Variants in TSHZ3 observed in about 807,000 individuals in gnomAD.
TSHZ3 encodes teashirt homolog 3.
TSHZ3 carries 10 observed loss-of-function variants against 64.5 expected under a neutral mutation model. The ratio of observed to expected loss-of-function variants is 0.16; its 90% CI spans 0.10 to 0.26. The LOEUF (loss-of-function observed/expected upper bound fraction) is 0.26, where lower values mean the gene tolerates loss of function less well. TSHZ3 is among the 10% of genes least tolerant of loss of function. TSHZ3 has a pLI of 1.00. For missense variants in TSHZ3, 1,242 were observed against 1,421.7 expected (o/e 0.87, Z 2.03); for synonymous variants, 608 against 593.1 (o/e 1.03, Z -0.36).
intron 1 of TSHZ3, among the ~76,000 whole-genome samples, chr19:31,297,552 C>T (rs769285410): frequency 6.6e-6 from 1 of 152,140 alleles, no homozygotes; most frequent in Non-Finnish European, 1.5e-5. Context: ...TCATGGCTCA[C>T]CTGCAGCCTT....
At chr19:31,337,366 A>T (rs1407077881) in intron 1 of TSHZ3, among the ~76,000 whole-genome samples, 1 of 152,194 alleles carries the variant, frequency 6.6e-6, no homozygotes, top group Non-Finnish European at 1.5e-5. Context: ...TTATACCTGA[A>T]ATGGACTTTG....
Position 31,278,593 on chromosome 19 carries a change from C to G in TSHZ3, c.1200G>C (p.Glu400Asp), listed in dbSNP as rs1314115858. 6.2e-7 allele frequency: 1 copy of G among 1,614,174 alleles called. No homozygotes were observed. The highest frequency in any genetic ancestry group is 1.1e-5 in the South Asian group (1 of 91,080). ...ECGSSHDTLQ[E>D]LTAHMMVTGH... ...CAGTGACCATCATGTGGGCAGTGAGCTCCTGCAGGGTGTCATGCGAGCTCC... is the reference window on the plus strand; with the variant it reads ...CAGTGACCATCATGTGGGCAGTGAGGTCCTGCAGGGTGTCATGCGAGCTCC... The change falls in exon 2 of 2, where the codon GAG becomes GAC. Residue 400 changes from glutamate to aspartate, a missense_variant. Physicochemically the swap from Glu to Asp is conservative, Grantham distance 45. Coordinates refer to ENST00000240587, the MANE Select transcript of TSHZ3 (RefSeq NM_020856.4). This position sits in a 1 kb window ranked among gnomAD's most constrained non-coding sequence, Gnocchi z 4.7.
At chr19:31,160,270 G>A (rs1974358698) in intron 5 of TSHZ3, among the ~76,000 whole-genome samples, 1 of 152,186 alleles carries the variant, frequency 6.6e-6, no homozygotes, top group Admixed American at 6.5e-5. Context: ...TAGGTGGTGT[G>A]CACGTGTTAG....
At chr19:31,185,755 C>G (rs1259744503) in intron 5 of TSHZ3, among the ~76,000 whole-genome samples, 1 of 152,180 alleles carries the variant, frequency 6.6e-6, no homozygotes, top group East Asian at 1.9e-4. Flanking sequence ...ACGTGCAATT[C>G]ACATTCCTAT....
Position 31,290,866 on chromosome 19 carries a change from C to A in TSHZ3, c.41-11114G>T, listed in dbSNP as rs150979837. Among the ~76,000 whole-genome samples the A allele has an allele frequency of 2.1e-3, 319 of 152,314 alleles. 2 individuals are homozygous for A. The highest frequency in any genetic ancestry group is 7.0e-3 in the African/African-American group (290 of 41,582). ...CAGAAGGCTGGCCATGGCGGGATGACAACCTCCCCTAGATTGATTGCTCTT... is the reference window on the plus strand; with the variant it reads ...CAGAAGGCTGGCCATGGCGGGATGAAAACCTCCCCTAGATTGATTGCTCTT... On this transcript the variant is annotated intron_variant, in intron 1 of 1. Coordinates refer to ENST00000240587, the MANE Select transcript of TSHZ3 (RefSeq NM_020856.4).
At position 31,279,073 on chromosome 19, in the gene TSHZ3, G is replaced by A. The variant is rs760381593; in HGVS notation, c.720C>T (p.Arg240=). Reference sequence around the variant, plus strand: ...TGTTATCGGTCTCATGGTTGTCGTCGCGGTAATGCCCCGTCTCGTTCATGT... The same window carrying A: ...TGTTATCGGTCTCATGGTTGTCGTCACGGTAATGCCCCGTCTCGTTCATGT... ...TVHMNETGHY[R]DDNHETDNNN... is the part of the protein sequence containing the mutation. Residue 240 remains arginine (R), a synonymous_variant, in exon 2 of 2, where the codon CGC becomes CGT. Transcript: ENST00000240587. The surrounding 1 kb of genome is among the most constrained non-coding windows in gnomAD (Gnocchi z 6.4). 2.4e-5 allele frequency: 39 copies of A among 1,613,922 alleles called. 1 individual carries two copies. Among genetic ancestry groups the A allele is most frequent in the Admixed American group, 3.3e-5 (2 of 60,000 alleles).
intron 1 of TSHZ3, among the ~76,000 whole-genome samples, chr19:31,311,538 A>G (rs1916459652): frequency 6.6e-6 from 1 of 152,124 alleles, no homozygotes; most frequent in Non-Finnish European, 1.5e-5. Flanking sequence ...CAGTACATGC[A>G]GAGATGAAGC....
At chr19:31,316,172 A>C (rs938815414) in intron 1 of TSHZ3, among the ~76,000 whole-genome samples, 1 of 152,228 alleles carries the variant, frequency 6.6e-6, no homozygotes, top group Non-Finnish European at 1.5e-5. Flanking sequence ...TGATGAAAGC[A>C]GCACCAACAC....
At chr19:31,335,661 C>T (rs1917221592) in intron 1 of TSHZ3, among the ~76,000 whole-genome samples, 1 of 152,252 alleles carries the variant, frequency 6.6e-6, no homozygotes, top group South Asian at 2.1e-4. Flanking sequence ...GTCGAAGCCA[C>T]TCATTTCCCT....
intron 4 of TSHZ3, among the ~76,000 whole-genome samples, chr19:31,215,055 G>C (rs1975308546): frequency 6.6e-6 from 1 of 151,812 alleles, no homozygotes; most frequent in Admixed American, 6.6e-5. Context: ...ATACAAAAAT[G>C]AAGATATTCG....
At chr19:31,250,929 C>A (rs976856375) in intron 1 of TSHZ3, among the ~76,000 whole-genome samples, 1 of 152,138 alleles carries the variant, frequency 6.6e-6, no homozygotes, top group African/African-American at 2.4e-5. Flanking sequence ...CTAGATGTAC[C>A]TGTGGTCAGG....
intron 5 of TSHZ3, among the ~76,000 whole-genome samples, chr19:31,181,528 G>A (rs1009188212): frequency 6.6e-6 from 1 of 152,082 alleles, no homozygotes; most frequent in Non-Finnish European, 1.5e-5. Flanking sequence ...GTAGTGGCTT[G>A]GGGAGGGAGA....
At chr19:31,211,918 G>A (rs376215149) in intron 4 of TSHZ3, among the ~76,000 whole-genome samples, 1 of 152,182 alleles carries the variant, frequency 6.6e-6, no homozygotes, top group Non-Finnish European at 1.5e-5. Flanking sequence ...GGACTGAGGC[G>A]TGTTGAGGTT....
At chr19:31,169,587 T>C (rs1481799564) in intron 5 of TSHZ3, among the ~76,000 whole-genome samples, 6 of 152,032 alleles carry the variant, frequency 3.9e-5, no homozygotes, top group Admixed American at 3.3e-4. Context: ...TACCACTGAG[T>C]TGTACACTTA....
chr19:31,195,350 G>T (rs923617987), intron 5 of TSHZ3, among the ~76,000 whole-genome samples: 1 of 151,978 alleles, frequency 6.6e-6, no homozygotes, highest in African/African-American at 2.4e-5. Context: ...AGAAGCCATA[G>T]GGAAAAACAC....
chr19:31,296,685 C>T (rs1460577809), intron 1 of TSHZ3, among the ~76,000 whole-genome samples: 2 of 152,182 alleles, frequency 1.3e-5, no homozygotes, highest in Admixed American at 6.5e-5. Context: ...TTGTAGCATG[C>T]ACCTCCTGTG....
downstream of TSHZ3, among the ~76,000 whole-genome samples, chr19:31,271,481 A>C (rs1231048687): frequency 2.6e-5 from 4 of 152,222 alleles, no homozygotes; most frequent in Non-Finnish European, 5.9e-5. Flanking sequence ...CACGGCACGC[A>C]GGAAGGTGAG....
intron 6 of TSHZ3, among the ~76,000 whole-genome samples, chr19:31,154,769 G>A (rs1211997266): frequency 1.3e-5 from 2 of 152,224 alleles, no homozygotes; most frequent in Non-Finnish European, 2.9e-5. Context: ...AGAGAATCAG[G>A]AAAGTGTGGG....
chr19:31,321,986 CT>C (rs1916785543), intron 1 of TSHZ3, among the ~76,000 whole-genome samples: 1 of 152,120 alleles, frequency 6.6e-6, no homozygotes, highest in Non-Finnish European at 1.5e-5. Context: ...TCCATTCCCC[CT>C]ACCCCCAAAA....
Sources: allele counts gnomAD v4.1 joint callset (sites outside exome capture counted in the v4.1 genomes callset), GRCh38; gene constraint gnomAD v4.1.1; non-coding constraint Gnocchi (gnomAD v3.1); transcripts MANE v1.5; gene names NCBI Gene and HGNC (gene_info 2026-07-23, HGNC 2026-07-21).